The following PDCD1LG2 variants were observed in gnomAD, a reference collection of about 807,000 sequenced individuals.
PDCD1LG2 encodes programmed cell death 1 ligand 2, also known as B7 dendritic cell molecule.
A neutral mutation model predicts 28.2 loss-of-function variants in PDCD1LG2; 32 were observed. The observed-to-expected ratio is 1.13, with a 90% CI of 0.86 to 1.52. The LOEUF (loss-of-function observed/expected upper bound fraction) is 1.52. Among genes scored for constraint, PDCD1LG2 ranks in the 40% most tolerant of loss-of-function variants. PDCD1LG2 has a pLI of 0.00. For missense variants in PDCD1LG2, 385 were observed against 323.8 expected, an observed-to-expected ratio of 1.19 and a Z score of -1.45; for synonymous variants, 116 against 120.2, an observed-to-expected ratio of 0.97 and a Z score of 0.23.
At chr9:5,536,009 T>A (rs777500073) in intron 3 of PDCD1LG2, among the ~76,000 whole-genome samples, 4 of 152,182 alleles carry the variant, frequency 2.6e-5, no homozygotes, top group Non-Finnish European at 5.9e-5. Flanking sequence ...CTCCCACGCA[T>A]TGGACCTCAG....
intron 2 of PDCD1LG2, among the ~76,000 whole-genome samples, chr9:5,528,595 G>A (rs7041465): frequency 0.016 from 2,374 of 151,996 alleles, 62 homozygotes; most frequent in African/African-American, 0.054. Flanking sequence ...ATAAGCCACT[G>A]CACCTGGCCT....
Position 5,569,672 on chromosome 9 carries a change from G to A in PDCD1LG2, c.817-282G>A, listed in dbSNP as rs1432018794. 6.6e-6 allele frequency among the ~76,000 whole-genome samples: 1 copy of A among 152,182 alleles called. No individual in the cohort carries two copies. The highest frequency in any genetic ancestry group is 1.5e-5 in the Non-Finnish European group (1 of 68,030). On this transcript the variant is annotated intron_variant, in intron 6 of 6. Coordinates refer to ENST00000397747, the MANE Select transcript of PDCD1LG2 (RefSeq NM_025239.4). The surrounding 1 kb of genome is among the most constrained non-coding windows in gnomAD (Gnocchi z 4.1). ...GAACTATAAGAGGTTTTGAATAGGA[G>A]AGGCCCCTGAAATGTGCTCCAATAT...
intron 3 of PDCD1LG2, among the ~76,000 whole-genome samples, chr9:5,546,823 T>C (rs1318705305): frequency 2.6e-5 from 4 of 152,202 alleles, no homozygotes; most frequent in Admixed American, 6.5e-5. Context: ...GGGGGAAAGA[T>C]GTCAGAGCTT....
rs2129920714 is a variant in PDCD1LG2 at position 5,557,620 on chromosome 9, C to G, written c.634C>G (p.Gln212Glu). Residue 212 changes from glutamine to glutamate, a missense_variant and splice_region_variant, in exon 5 of 7, where the codon CAG (glutamine) becomes GAG (glutamate). Gln to Glu is a conservative substitution (Grantham distance 29). Coordinates refer to ENST00000397747, the MANE Select transcript of PDCD1LG2 (RefSeq NM_025239.4). ...LTLASIDLQS[Q>E]MEPRTHPTWL... ...TCTGGTGCTTTTCCTTTGCCCAGGTCAGATGGAACCCAGGACCCATCCAAC... is the reference window on the plus strand; with the variant it reads ...TCTGGTGCTTTTCCTTTGCCCAGGTGAGATGGAACCCAGGACCCATCCAAC... 1 of 1,613,912 alleles carries G rather than the reference C, an allele frequency of 6.2e-7. No individual in the cohort carries two copies. The highest frequency in any genetic ancestry group is 8.5e-7 in the Non-Finnish European group (1 of 1,179,842).
intron 2 of PDCD1LG2, among the ~76,000 whole-genome samples, chr9:5,532,186 AGCATTGT>A (rs1820496015): frequency 6.6e-6 from 1 of 152,238 alleles, no homozygotes; most frequent in African/African-American, 2.4e-5. Context: ...AGATATGATT[AGCATTGT>A]TTTACACATG....
rs1023826544 is a variant in PDCD1LG2, at chr9:5,549,563, C to T, written c.590C>T (p.Thr197Ile). 3 of 1,614,222 alleles carry T rather than the reference C, an allele frequency of 1.9e-6. No individual in the cohort carries two copies. The highest frequency in any genetic ancestry group is 1.3e-5 in the African/African-American group (1 of 75,046). ...GRNFSCVFWN[T>I]HVRELTLASI... The stretch of plus-strand genomic sequence containing the variant: ...AACTTCAGCTGTGTGTTCTGGAATA[C>T]TCACGTGAGGGAACTTACTTTGGCC... Residue 197 changes from threonine (T) to isoleucine (I), a missense_variant, in exon 4 of 7, where the codon ACT (threonine) becomes ATT (isoleucine). Thr to Ile is a moderately conservative substitution (Grantham distance 89). Coordinates refer to ENST00000397747, the MANE Select transcript of PDCD1LG2 (RefSeq NM_025239.4).
chr9:5,527,505 G>A (rs1400653814), intron 2 of PDCD1LG2, among the ~76,000 whole-genome samples: 1 of 152,220 alleles, frequency 6.6e-6, no homozygotes, highest in Non-Finnish European at 1.5e-5. Context: ...CCTGTTTGCT[G>A]TTGAGTATAT....
rs1446283047 is a variant in PDCD1LG2 at position 5,534,986 on chromosome 9, G to A, written c.297G>A (p.Gln99=). The change falls in exon 3 of 7, where the codon CAG becomes CAA. Residue 99 remains glutamine (Q), a synonymous_variant. Coordinates refer to ENST00000397747, the MANE Select transcript of PDCD1LG2 (RefSeq NM_025239.4). ...AAGTCCAAGTGAGGGACGAAGGACA[G>A]TACCAATGCATAATCATCTATGGGG... ...IPQVQVRDEG[Q]YQCIIIYGVA... The A allele has an allele frequency of 6.2e-7, 1 of 1,614,172 alleles. No individual in the cohort carries two copies. Among genetic ancestry groups the A allele is most frequent in the African/African-American group, 1.3e-5 (1 of 75,050 alleles).
chr9:5,512,292 C>T (rs1293029366), intron 1 of PDCD1LG2, among the ~76,000 whole-genome samples: 1 of 152,222 alleles, frequency 6.6e-6, no homozygotes, highest in East Asian at 1.9e-4. Flanking sequence ...ACCTTCAAAT[C>T]AACTCACAGA....
At chr9:5,546,923 T>A (rs945831924) in intron 3 of PDCD1LG2, among the ~76,000 whole-genome samples, 4 of 152,150 alleles carry the variant, frequency 2.6e-5, no homozygotes, top group Non-Finnish European at 4.4e-5. Context: ...CAGGTTCTGG[T>A]GGATGTTTCA....
At chr9:5,524,875 G>A (rs1219485805) in intron 2 of PDCD1LG2, among the ~76,000 whole-genome samples, 1 of 152,150 alleles carries the variant, frequency 6.6e-6, no homozygotes, top group Non-Finnish European at 1.5e-5. Flanking sequence ...CTCAGTGCCT[G>A]AGACAGAGCT....
At chr9:5,516,396 T>C (rs1036988978) in intron 1 of PDCD1LG2, among the ~76,000 whole-genome samples, 3 of 152,116 alleles carry the variant, frequency 2.0e-5, no homozygotes, top group Admixed American at 2.0e-4. Context: ...AGTGTGCTGA[T>C]TGGCCCATGG....
intron 2 of PDCD1LG2, 135 bp downstream of exon 2, chr9:5,522,736 CA>C (rs1820300107): frequency 5.9e-6 from 4 of 675,858 alleles, no homozygotes; most frequent in Non-Finnish European, 9.8e-6. Context: ...CTATTCCAAG[CA>C]CCACAAAAAA....
At chr9:5,523,983 A>G (rs1166482218) in intron 2 of PDCD1LG2, among the ~76,000 whole-genome samples, 4 of 152,212 alleles carry the variant, frequency 2.6e-5, no homozygotes, top group African/African-American at 9.7e-5. Context: ...TTCTTCTAAG[A>G]TAATCAGCAC....
At chr9:5,511,128 G>A (rs978260127) in intron 1 of PDCD1LG2, among the ~76,000 whole-genome samples, 4 of 152,188 alleles carry the variant, frequency 2.6e-5, no homozygotes, top group Non-Finnish European at 5.9e-5. Flanking sequence ...TAATGGTGAA[G>A]AACTTAAAAA....
In PDCD1LG2 at chr9:5,569,044, G is replaced by A. The variant is rs1219059260; in HGVS notation, c.817-910G>A. Among the ~76,000 whole-genome samples the A allele has an allele frequency of 6.6e-6, 1 of 152,214 alleles. No individual in the cohort carries two copies. Among genetic ancestry groups the A allele is most frequent in the African/African-American group, 2.4e-5 (1 of 41,454 alleles). On this transcript the variant is annotated intron_variant, in intron 6 of 6. Transcript: ENST00000397747. The surrounding 1 kb of genome is among the most constrained non-coding windows in gnomAD (Gnocchi z 4.1). ...CAGAGAGGCAGGAAGGTGTGGGAAA[G>A]TGCACGTGACCCCGTTCAGAGAGAA...
rs112567093 is a variant in PDCD1LG2, at chr9:5,552,786, A to G, written c.631+3182A>G. Among the ~76,000 whole-genome samples the G allele has an allele frequency of 2.9e-3, 446 of 152,302 alleles. 3 individuals carry two copies. Among genetic ancestry groups the G allele is most frequent in the African/African-American group, 9.7e-3 (403 of 41,566 alleles). On this transcript the variant is annotated intron_variant, in intron 4 of 6. Coordinates refer to ENST00000397747, the MANE Select transcript of PDCD1LG2 (RefSeq NM_025239.4). ...AAAATTCTTCCCTGATACAGTTTTC[A>G]GAGGCAGCTAGATGCACTGTCATCT... is the stretch of plus-strand genomic sequence containing the variant.
At chr9:5,549,055 T>C (rs1816269215) in intron 3 of PDCD1LG2, among the ~76,000 whole-genome samples, 1 of 152,218 alleles carries the variant, frequency 6.6e-6, no homozygotes, top group South Asian at 2.1e-4. Context: ...TTATAAGCTC[T>C]ATGACTATGA....
intron 3 of PDCD1LG2, among the ~76,000 whole-genome samples, chr9:5,545,014 T>C (rs1816157322): frequency 1.3e-5 from 2 of 152,220 alleles, no homozygotes; most frequent in Non-Finnish European, 2.9e-5. Flanking sequence ...TTGTGAGATA[T>C]AGTTAAAGGA....
Sources: allele counts gnomAD v4.1 joint callset (sites outside exome capture counted in the v4.1 genomes callset), GRCh38; gene constraint gnomAD v4.1.1; non-coding constraint Gnocchi (gnomAD v3.1); transcripts MANE v1.5; gene names NCBI Gene and HGNC (gene_info 2026-07-23, HGNC 2026-07-21).